Variants in ATP10B observed in about 807,000 individuals in gnomAD.
The protein encoded by ATP10B is phospholipid-transporting ATPase VB.
Under a neutral mutation model 141.2 loss-of-function variants are expected in ATP10B, and 122 were observed. The ratio of observed to expected loss-of-function variants is 0.86; its 90% CI spans 0.75 to 1.00. The LOEUF (loss-of-function observed/expected upper bound fraction) is 1.00. ATP10B is among the 50% of genes least tolerant of loss of function. The probability of loss-of-function intolerance (pLI) is 0.00; values close to 1 mark genes in which losing one functional copy is unlikely to be tolerated. For synonymous variants in ATP10B, 685 were observed against 692.0 expected (o/e 0.99, Z 0.16); for missense variants, 1,876 against 1,825.3 (o/e 1.03, Z -0.51).
At chr5:160,587,528 C>T (rs572711411) in intron 24 of ATP10B, among the ~76,000 whole-genome samples, 10 of 152,266 alleles carry the variant, frequency 6.6e-5, no homozygotes, top group African/African-American at 2.4e-4. Context: ...GCAGTATGGC[C>T]ATTTTCACAA....
intron 13 of ATP10B, among the ~76,000 whole-genome samples, chr5:160,624,253 C>T (rs1758499443): frequency 6.6e-6 from 1 of 152,148 alleles, no homozygotes; most frequent in Non-Finnish European, 1.5e-5. Context: ...TTCTGACTAC[C>T]AAATGCAATG....
intron 7 of ATP10B, among the ~76,000 whole-genome samples, chr5:160,654,877 G>T (rs1761374205): frequency 6.6e-6 from 1 of 152,164 alleles, no homozygotes; most frequent in African/African-American, 2.4e-5. Context: ...CGATTTCAGA[G>T]ATAAAGGAAT....
the ATP10B span, among the ~76,000 whole-genome samples, chr5:160,908,670 C>T: frequency 1.3e-5 from 2 of 152,190 alleles, no homozygotes; most frequent in Admixed American, 1.3e-4. Flanking sequence ...ATCTGAAAGG[C>T]ATGGAGGCTG....
intron 22 of ATP10B, among the ~76,000 whole-genome samples, chr5:160,594,986 A>G (rs548458890): frequency 6.6e-6 from 1 of 152,334 alleles, no homozygotes; most frequent in African/African-American, 2.4e-5. Flanking sequence ...CAGATCAATG[A>G]GACAGAAAGT....
At chr5:160,882,597 T>TA in the ATP10B span, among the ~76,000 whole-genome samples, 88,221 of 151,744 alleles carry the variant, frequency 0.58, 28,641 homozygotes, top group East Asian at 0.85. Flanking sequence ...AATAAATTCA[T>TA]AAAAAAGTCA....
At chr5:160,758,820 T>G (rs1768823819) in intron 2 of ATP10B, among the ~76,000 whole-genome samples, 1 of 152,302 alleles carries the variant, frequency 6.6e-6, no homozygotes, top group East Asian at 1.9e-4. Flanking sequence ...GTAAGAAGAA[T>G]AATTTAGGTC....
At chr5:160,895,936 C>G in the ATP10B span, among the ~76,000 whole-genome samples, 1 of 152,164 alleles carries the variant, frequency 6.6e-6, no homozygotes, top group Non-Finnish European at 1.5e-5. Context: ...CAACCTTCTC[C>G]TGAATGACTA....
chr5:160,614,314 C>T (rs1036527502), intron 17 of ATP10B: 7 of 152,104 alleles, frequency 4.6e-5, no homozygotes, highest in African/African-American at 1.7e-4. Context: ...GAAAATGAAA[C>T]AGGAAGGTTG....
At chr5:160,668,189 C>G (rs1762438367) in intron 7 of ATP10B, among the ~76,000 whole-genome samples, 1 of 139,118 alleles carries the variant, frequency 7.2e-6, no homozygotes, top group Admixed American at 7.8e-5. Context: ...CAGATTGTGC[C>G]ACCGTACTCT....
chr5:160,681,723 A>T (rs1317891042), intron 6 of ATP10B, among the ~76,000 whole-genome samples: 1 of 152,260 alleles, frequency 6.6e-6, no homozygotes, highest in Non-Finnish European at 1.5e-5. Flanking sequence ...TGGGCTCATA[A>T]GCAAAATAGA....
chr5:160,602,440 C>G (rs750990511), intron 21 of ATP10B, 137 bp downstream of exon 21: 216 of 1,105,052 alleles, frequency 2.0e-4, no homozygotes, highest in Non-Finnish European at 2.6e-4. Flanking sequence ...TATTAAGGAA[C>G]AGTTTCAAGA....
chr5:160,866,449 G>A, the ATP10B span, among the ~76,000 whole-genome samples: 1 of 152,126 alleles, frequency 6.6e-6, no homozygotes, highest in Non-Finnish European at 1.5e-5. Context: ...TGAGGCAGGT[G>A]GATCACCTGA....
intron 2 of ATP10B, among the ~76,000 whole-genome samples, chr5:160,745,701 A>T (rs1221430738): frequency 6.6e-6 from 1 of 152,246 alleles, no homozygotes; most frequent in Non-Finnish European, 1.5e-5. Flanking sequence ...GGGCTTTGAC[A>T]CATACAAGCT....
chr5:160,763,894 A>G (rs1184174645), intron 2 of ATP10B, among the ~76,000 whole-genome samples: 1 of 152,160 alleles, frequency 6.6e-6, no homozygotes, highest in African/African-American at 2.4e-5. Context: ...GTTACCACAG[A>G]AATACAAAAG....
At chr5:160,686,366 TA>T in intron 5 of ATP10B, 93 bp from the exon 6 acceptor site, 1 of 934,060 alleles carries the variant, frequency 1.1e-6, no homozygotes, top group Non-Finnish European at 1.5e-6. Context: ...CTTGATCAAT[TA>T]AACCTTCTCT....
At position 160,688,772 on chromosome 5, in the gene ATP10B, C is replaced by T. The variant is rs6894908; in HGVS notation, c.-33G>A. On this transcript the variant is annotated 5_prime_UTR_variant, in exon 4 of 26. Transcript: ENST00000327245. ...TCCAGAAACTCACCTGTGGCCGGAA[C>T]CTCAAAGGAGAGTGATAAGTAGAAT... 173,528 of 984,896 alleles carry T rather than the reference C, an allele frequency of 0.18. 17,408 individuals carry two copies. The highest frequency in any genetic ancestry group is 0.69 in the East Asian group (6,101 of 8,808). 61.0% of individuals were successfully genotyped at this position (984,896 alleles called of 1,614,324 possible).
intron 2 of ATP10B, among the ~76,000 whole-genome samples, chr5:160,766,988 C>T (rs1166361002): frequency 1.3e-5 from 2 of 152,028 alleles, no homozygotes; most frequent in African/African-American, 2.4e-5. Context: ...TGGAGAAGTT[C>T]CAGGCTCCCA....
chr5:160,607,751 AT>A (rs1482710323), intron 18 of ATP10B, among the ~76,000 whole-genome samples: 1 of 152,052 alleles, frequency 6.6e-6, no homozygotes, highest in South Asian at 2.1e-4. Context: ...AAACTTATTA[AT>A]TTTTTTCTGG....
the ATP10B span, among the ~76,000 whole-genome samples, chr5:160,880,065 A>G: frequency 5.3e-5 from 8 of 150,974 alleles, no homozygotes; most frequent in East Asian, 1.4e-3. Context: ...ATCTATGTGT[A>G]TAAATCACAT....
Sources: allele counts gnomAD v4.1 joint callset (sites outside exome capture counted in the v4.1 genomes callset), GRCh38; gene constraint gnomAD v4.1.1; transcripts MANE v1.5; gene names NCBI Gene and HGNC (gene_info 2026-07-23, HGNC 2026-07-21).